Variants in COA8 observed in about 807,000 individuals in gnomAD.
The protein encoded by COA8 is cytochrome c oxidase assembly factor 8, also known as UPF0671 protein C14orf153.
COA8 carries 20 observed loss-of-function variants against 22.0 expected under a neutral mutation model. That is an observed-to-expected ratio of 0.91 (90% CI 0.64 to 1.32). The LOEUF (loss-of-function observed/expected upper bound fraction) is 1.32, where lower values mean the gene tolerates loss of function less well. Ranked by LOEUF, COA8 falls within the 40% of genes most tolerant of loss-of-function variation. COA8 has a pLI of 0.00. For synonymous variants in COA8, 105 were observed against 79.9 expected, an observed-to-expected ratio of 1.31 and a Z score of -1.68; for missense variants, 266 against 230.0, an observed-to-expected ratio of 1.16 and a Z score of -1.01.
At chr14:103,589,653 C>T (rs2076335553) in intron 4 of COA8, among the ~76,000 whole-genome samples, 2 of 151,940 alleles carry the variant, frequency 1.3e-5, no homozygotes, top group East Asian at 1.9e-4. Context: ...CGGTGGCTCA[C>T]ACCTGTAATC....
At chr14:103,568,493 A>G (rs191962324) in intron 1 of COA8, among the ~76,000 whole-genome samples, 275 of 152,072 alleles carry the variant, frequency 1.8e-3, no homozygotes, top group African/African-American at 6.5e-3. Context: ...ACACACATAT[A>G]TATACACACA....
At chr14:103,584,767 G>C (rs2076293196) in intron 3 of COA8, among the ~76,000 whole-genome samples, 1 of 152,140 alleles carries the variant, frequency 6.6e-6, no homozygotes. Flanking sequence ...GTGGTGTTGA[G>C]CATCTTGTCA....
intron 1 of COA8, among the ~76,000 whole-genome samples, chr14:103,565,158 C>T (rs912821956): frequency 6.6e-6 from 1 of 151,420 alleles, no homozygotes; most frequent in African/African-American, 2.4e-5. Context: ...TGGGGTTTCA[C>T]TATGCTGGCC....
Position 103,574,078 on chromosome 14 carries a change from C to CT in COA8, c.322-4dup, listed in dbSNP as rs11337243. Reference sequence around the variant, plus strand: ...AGACAGAGAAAGGAGTTCTGAGAGCCTTTTTTTTTTTTTTTTTTTTTTTTT... The same window carrying CT: ...AGACAGAGAAAGGAGTTCTGAGAGCCTTTTTTTTTTTTTTTTTTTTTTTTTT... On this transcript the variant is annotated intron_variant, in intron 2 of 4. Coordinates refer to ENST00000409074, the MANE Select transcript of COA8 (RefSeq NM_001370595.2). 73,824 of 999,554 alleles carry CT rather than the reference C, an allele frequency of 0.074. 459 individuals are homozygous for CT. The highest frequency in any genetic ancestry group is 0.081 in the Middle Eastern group (200 of 2,470). The allele number at this position is 999,554 out of a possible 1,614,324, so 61.9% of individuals were successfully genotyped here. A position where few individuals can be genotyped will look rare whatever the true frequency, so the allele number is the denominator to read the frequency against.
intron 3 of COA8, among the ~76,000 whole-genome samples, chr14:103,575,312 T>C (rs1436888688): frequency 6.6e-6 from 1 of 152,250 alleles, no homozygotes; most frequent in Non-Finnish European, 1.5e-5. Flanking sequence ...TGATTCTTAC[T>C]AAGGTCCCAG....
At chr14:103,565,838 C>G (rs1365877940) in intron 1 of COA8, among the ~76,000 whole-genome samples, 1 of 151,882 alleles carries the variant, frequency 6.6e-6, no homozygotes, top group Non-Finnish European at 1.5e-5. Flanking sequence ...TGGTCTTGAA[C>G]TCCTGACCTC....
At chr14:103,584,956 G>A (rs1434197481) in intron 3 of COA8, among the ~76,000 whole-genome samples, 1 of 151,442 alleles carries the variant, frequency 6.6e-6, no homozygotes, top group Non-Finnish European at 1.5e-5. Flanking sequence ...TGACCGATGT[G>A]GTGAAACCCC....
chr14:103,574,075 AGCCTTT>A, intron 2 of COA8, 26 bp from the exon 3 acceptor site: 1 of 965,140 alleles, frequency 1.0e-6, no homozygotes, highest in Non-Finnish European at 1.4e-6. Context: ...GAGTTCTGAG[AGCCTTT>A]TTTTTTTTTT....
chr14:103,588,134 A>AC, intron 4 of COA8: 3 of 318,614 alleles, frequency 9.4e-6, no homozygotes, highest in Non-Finnish European at 1.7e-5. Context: ...AAAAAAAAAA[A>AC]AAAAAACGGG....
intron 3 of COA8, among the ~76,000 whole-genome samples, chr14:103,576,801 TGG>T (rs2076233502): frequency 6.6e-6 from 1 of 151,772 alleles, no homozygotes; most frequent in Non-Finnish European, 1.5e-5. Flanking sequence ...GAGGCAGAGG[TGG>T]GGCTTGTGCA....
Position 103,590,484 on chromosome 14 carries a change from CTTG to C in COA8, c.*203_*205del, listed in dbSNP as rs756597600. On this transcript the variant is annotated 3_prime_UTR_variant, in exon 5 of 5. Transcript: ENST00000409074. ...CCTGCTGATGTGGGCTCTAGGCCAG[CTTG>C]TTGTCACGTACGTGGTGTGAAATAA... is the stretch of plus-strand genomic sequence containing the variant. 568 of 539,922 alleles carry C rather than the reference CTTG, an allele frequency of 1.1e-3. 2 individuals are homozygous for C. Among genetic ancestry groups the C allele is most frequent in the Non-Finnish European group, 1.5e-3 (468 of 304,280 alleles). 33.4% of individuals were successfully genotyped at this position (539,922 alleles called of 1,614,324 possible).
intron 4 of COA8, 104 bp downstream of exon 4, chr14:103,587,468 G>A (rs560215068): frequency 1.6e-4 from 92 of 561,050 alleles, no homozygotes; most frequent in Non-Finnish European, 2.5e-4. Flanking sequence ...ATCAGAGGTA[G>A]AAGTTGCAAG....
intron 3 of COA8, 123 bp downstream of exon 3, chr14:103,574,293 G>A: frequency 1.5e-6 from 2 of 1,301,098 alleles, no homozygotes; most frequent in Non-Finnish European, 2.2e-6. Context: ...CTGCTTTGGG[G>A]CAGTGCTCGG....
At chr14:103,572,606 T>TG (rs547581107) in intron 2 of COA8, among the ~76,000 whole-genome samples, 264 of 152,072 alleles carry the variant, frequency 1.7e-3, no homozygotes, top group Middle Eastern at 6.8e-3. Context: ...GGCATATGCC[T>TG]GTGATCCCCA....
intron 3 of COA8, among the ~76,000 whole-genome samples, chr14:103,578,626 T>C (rs1024934765): frequency 6.6e-6 from 1 of 152,102 alleles, no homozygotes; most frequent in Non-Finnish European, 1.5e-5. Flanking sequence ...TTTTGCCTCT[T>C]TCCCTGAACT....
chr14:103,578,119 AG>A (rs1419532490), intron 3 of COA8, among the ~76,000 whole-genome samples: 1 of 151,008 alleles, frequency 6.6e-6, no homozygotes, highest in Non-Finnish European at 1.5e-5. Context: ...ACTTGAGCCC[AG>A]GGGGTGGAGG....
At chr14:103,563,959 C>A (rs2076114212) in intron 1 of COA8, among the ~76,000 whole-genome samples, 1 of 152,114 alleles carries the variant, frequency 6.6e-6, no homozygotes, top group African/African-American at 2.4e-5. Flanking sequence ...GAGGTGAGAC[C>A]ATCCTGCCCA....
At chr14:103,571,521 A>G in intron 1 of COA8, 102 bp from the exon 2 acceptor site, 1 of 1,194,272 alleles carries the variant, frequency 8.4e-7, no homozygotes, top group Non-Finnish European at 1.2e-6. Flanking sequence ...CTGGCAACAG[A>G]GCGAGACTCC....
chr14:103,584,510 A>G (rs551086434), intron 3 of COA8, among the ~76,000 whole-genome samples: 9 of 152,314 alleles, frequency 5.9e-5, no homozygotes, highest in Admixed American at 5.2e-4. Flanking sequence ...TGCCAGGAAC[A>G]GGGGACAAAG....
Sources: allele counts gnomAD v4.1 joint callset (sites outside exome capture counted in the v4.1 genomes callset), GRCh38; gene constraint gnomAD v4.1.1; transcripts MANE v1.5; gene names NCBI Gene and HGNC (gene_info 2026-07-23, HGNC 2026-07-21).